The following SNTB1 variants were observed in gnomAD, a reference collection of about 807,000 sequenced individuals.
SNTB1 encodes the protein beta-1-syntrophin.
Under a neutral mutation model 48.9 loss-of-function variants are expected in SNTB1, and 36 were observed. That is an observed-to-expected ratio of 0.74 (90% CI 0.56 to 0.97). The LOEUF is 0.97. SNTB1 is among the 50% of genes least tolerant of loss of function. The pLI is 0.00. For missense variants in SNTB1, 786 were observed against 703.4 expected (o/e 1.12, Z -1.33); for synonymous variants, 299 against 294.6 (o/e 1.01, Z -0.15).
chr8:120,616,119 A>G (rs996286409), intron 3 of SNTB1, among the ~76,000 whole-genome samples: 2 of 152,174 alleles, frequency 1.3e-5, no homozygotes, highest in African/African-American at 4.8e-5. Context: ...TAGGAAAGGA[A>G]GCCTTCCTCA....
At chr8:120,573,364 G>A (rs187394357) in intron 4 of SNTB1, among the ~76,000 whole-genome samples, 100 of 151,218 alleles carry the variant, frequency 6.6e-4, no homozygotes, top group Middle Eastern at 3.4e-3. Context: ...CTTCTTTGGA[G>A]AAATGTCTAT....
At chr8:120,796,450 A>G (rs1326921163) in intron 1 of SNTB1, among the ~76,000 whole-genome samples, 1 of 152,040 alleles carries the variant, frequency 6.6e-6, no homozygotes, top group Non-Finnish European at 1.5e-5. Flanking sequence ...GTCAATCCAA[A>G]AAATAGAGAT....
chr8:120,689,044 T>C (rs983119696), intron 2 of SNTB1, among the ~76,000 whole-genome samples: 1 of 152,088 alleles, frequency 6.6e-6, no homozygotes, highest in African/African-American at 2.4e-5. Flanking sequence ...ATTTAAGAGG[T>C]AGAATAATAA....
At chr8:120,798,529 A>T (rs2130172205) in intron 1 of SNTB1, among the ~76,000 whole-genome samples, 1 of 152,198 alleles carries the variant, frequency 6.6e-6, no homozygotes, top group South Asian at 2.1e-4. Flanking sequence ...CCAAAATGTC[A>T]CTATCTCTGA....
intron 1 of SNTB1, among the ~76,000 whole-genome samples, chr8:120,795,520 G>GA (rs35086290): frequency 0.12 from 17,568 of 151,970 alleles, 1,470 homozygotes; most frequent in African/African-American, 0.23. Flanking sequence ...TTGACAAAGA[G>GA]AAAAAATATC....
At chr8:120,741,113 A>G (rs1045538528) in intron 1 of SNTB1, among the ~76,000 whole-genome samples, 7 of 152,354 alleles carry the variant, frequency 4.6e-5, no homozygotes, top group Admixed American at 2.0e-4. Context: ...CTTGGTGTCC[A>G]GTGTATCCAC....
chr8:120,744,136 T>G (rs1413938084), intron 1 of SNTB1, among the ~76,000 whole-genome samples: 1 of 151,482 alleles, frequency 6.6e-6, no homozygotes, highest in Non-Finnish European at 1.5e-5. Flanking sequence ...TTTTTTTTTT[T>G]GCAAGGGAAT....
chr8:120,673,211 T>A (rs1426161646), intron 2 of SNTB1, among the ~76,000 whole-genome samples: 2 of 152,142 alleles, frequency 1.3e-5, no homozygotes, highest in African/African-American at 4.8e-5. Context: ...ATTGCCTGCA[T>A]TCAATTCTCT....
At chr8:120,542,907 TG>T (rs1445472394) in intron 5 of SNTB1, among the ~76,000 whole-genome samples, 3 of 152,164 alleles carry the variant, frequency 2.0e-5, no homozygotes, top group Non-Finnish European at 2.9e-5. Context: ...TTAATTTTGC[TG>T]ATGATTTTGG....
chr8:120,554,985 T>C (rs1202151220), intron 4 of SNTB1, among the ~76,000 whole-genome samples: 3 of 147,866 alleles, frequency 2.0e-5, no homozygotes, highest in African/African-American at 8.0e-5. Flanking sequence ...ATTCATTCAT[T>C]CAATCAATCA....
At chr8:120,689,486 A>G (rs1332554066) in intron 2 of SNTB1, among the ~76,000 whole-genome samples, 1 of 152,204 alleles carries the variant, frequency 6.6e-6, no homozygotes, top group African/African-American at 2.4e-5. Context: ...TCTATAAAGT[A>G]GAGAGGAGTT....
At chr8:120,558,954 G>A (rs1383557783) in intron 4 of SNTB1, among the ~76,000 whole-genome samples, 1 of 152,122 alleles carries the variant, frequency 6.6e-6, no homozygotes, top group African/African-American at 2.4e-5. Flanking sequence ...CAGGCACTCA[G>A]TATCTGTTAA....
chr8:120,610,679 T>G (rs554350055), intron 3 of SNTB1, among the ~76,000 whole-genome samples: 1 of 152,248 alleles, frequency 6.6e-6, no homozygotes, highest in Admixed American at 6.5e-5. Flanking sequence ...GCTTTACCTC[T>G]TGATTTGGGG....
chr8:120,758,808 T>G (rs1434681229), intron 1 of SNTB1, among the ~76,000 whole-genome samples: 1 of 152,202 alleles, frequency 6.6e-6, no homozygotes, highest in Non-Finnish European at 1.5e-5. Flanking sequence ...TCCTAAGGAA[T>G]CTGGACCTCA....
chr8:120,748,729 C>T (rs1819165228), intron 1 of SNTB1, among the ~76,000 whole-genome samples: 1 of 152,166 alleles, frequency 6.6e-6, no homozygotes, highest in South Asian at 2.1e-4. Context: ...ACTAGAATGG[C>T]ACTAAAGACA....
At chr8:120,721,544 A>G (rs74923125) in intron 1 of SNTB1, among the ~76,000 whole-genome samples, 15,448 of 152,140 alleles carry the variant, frequency 0.1, 980 homozygotes, top group East Asian at 0.21. Flanking sequence ...GAGCCTTACT[A>G]CTCTAATTGG....
intron 1 of SNTB1, among the ~76,000 whole-genome samples, chr8:120,758,480 T>C (rs921438895): frequency 6.6e-6 from 1 of 152,234 alleles, no homozygotes; most frequent in Non-Finnish European, 1.5e-5. Flanking sequence ...GTCAATATCA[T>C]GTTCCTTATT....
chr8:120,632,215 T>C (rs1816993529), intron 3 of SNTB1, among the ~76,000 whole-genome samples: 1 of 152,158 alleles, frequency 6.6e-6, no homozygotes, highest in African/African-American at 2.4e-5. Flanking sequence ...TCCAACAACC[T>C]GGACCCCGTG....
At chr8:120,594,115 G>A (rs568299544) in intron 3 of SNTB1, among the ~76,000 whole-genome samples, 2 of 151,952 alleles carry the variant, frequency 1.3e-5, no homozygotes, top group Non-Finnish European at 2.9e-5. Flanking sequence ...CCAGGCTGAA[G>A]TGGGGTGGTG....
Sources: allele counts gnomAD v4.1 joint callset (sites outside exome capture counted in the v4.1 genomes callset), GRCh38; gene constraint gnomAD v4.1.1; transcripts MANE v1.5; gene names NCBI Gene and HGNC (gene_info 2026-07-23, HGNC 2026-07-21).